The following TNFAIP8L2 variants were observed in gnomAD, a reference collection of about 807,000 sequenced individuals.
The protein encoded by TNFAIP8L2 is tumor necrosis factor alpha-induced protein 8-like protein 2.
Under a neutral mutation model 5.6 loss-of-function variants are expected in TNFAIP8L2, and 2 were observed. That is an observed-to-expected ratio of 0.36 (90% CI 0.15 to 1.13). TNFAIP8L2 has a LOEUF of 1.13. TNFAIP8L2 is among the 50% of genes most tolerant of loss of function. The pLI, the probability that TNFAIP8L2 is intolerant of heterozygous loss-of-function variation, is 0.40. For missense variants in TNFAIP8L2, 216 were observed against 241.8 expected, an observed-to-expected ratio of 0.89 and a Z score of 0.71; for synonymous variants, 91 against 101.1, an observed-to-expected ratio of 0.90 and a Z score of 0.60.
At position 151,158,745 on chromosome 1, in the gene TNFAIP8L2, G is replaced by C; in HGVS notation, c.48G>C (p.Lys16Asn). The change falls in exon 2 of 2, where the codon AAG becomes AAC. Residue 16 changes from lysine (K) to asparagine (N), a missense_variant. By Grantham distance (94) the Lys-to-Asn change is moderately conservative. Coordinates refer to ENST00000368910, the MANE Select transcript of TNFAIP8L2 (RefSeq NM_024575.5). ...GCCTGGCACTGCAAGCAGAGAAGAA[G>C]CTACTGAGTAAGATGGCGGGTCGCT... The part of the protein sequence containing the change: ...SKSLALQAEK[K>N]LLSKMAGRSV... 1 of 1,613,236 alleles carries C rather than the reference G, an allele frequency of 6.2e-7. No individual in the cohort carries two copies. The highest frequency in any genetic ancestry group is 8.5e-7 in the Non-Finnish European group (1 of 1,179,474).
Position 151,159,399 on chromosome 1 carries a change from C to T in TNFAIP8L2, c.*147C>T. ...CCCAAGAGTGCTTTTGACTCTGAGA[C>T]CAGCCCACCCCCAAACAGCTAGTGG... On this transcript the variant is annotated 3_prime_UTR_variant, in exon 2 of 2. Transcript: ENST00000368910. 1.2e-6 allele frequency: 1 copy of T among 815,184 alleles called. No homozygotes were observed. The highest frequency in any genetic ancestry group is 1.9e-6 in the Non-Finnish European group (1 of 520,860). 50.5% of individuals were successfully genotyped at this position (815,184 alleles called of 1,614,324 possible).
At position 151,158,827 on chromosome 1, in the gene TNFAIP8L2, CGT is replaced by C. The variant is rs763825844; in HGVS notation, c.135_136del (p.Ser46GlnfsTer37). ...TSSEVLDELY[R>X]VSKEYTHSRP... ...CAGTGAGGTGCTAGATGAGCTCTACCGTGTGTCCAAGGAGTACACGCACAGCC... is the reference window on the plus strand; with the variant it reads ...CAGTGAGGTGCTAGATGAGCTCTACCGTGTCCAAGGAGTACACGCACAGCC... On this transcript the variant is annotated frameshift_variant, in exon 2 of 2. Coordinates refer to ENST00000368910, the MANE Select transcript of TNFAIP8L2 (RefSeq NM_024575.5). LOFTEE classifies it high-confidence loss of function. The C allele has an allele frequency of 1.2e-5, 20 of 1,614,106 alleles. No homozygotes were observed. In the South Asian group the frequency reaches 2.1e-4, roughly 17 times the overall value.
rs1683340013 is a variant in TNFAIP8L2 at position 151,159,080 on chromosome 1, T to C, written c.383T>C (p.Leu128Pro). ...CTGACCGAGTGCCGGGATGTGCTGC[T>C]AGAGTTGGTGGAACACCACCTCACG... ...GLLTECRDVL[L>P]ELVEHHLTPK... Residue 128 changes from leucine to proline, a missense_variant, in exon 2 of 2, where the codon CTA (leucine) becomes CCA (proline). By Grantham distance (98) the Leu-to-Pro change is moderately conservative. Coordinates refer to ENST00000368910, the MANE Select transcript of TNFAIP8L2 (RefSeq NM_024575.5). 1.9e-6 allele frequency: 3 copies of C among 1,614,074 alleles called. No homozygotes were observed. The highest frequency in any genetic ancestry group is 2.5e-6 in the Non-Finnish European group (3 of 1,180,060).
chr1:151,159,742 A>T lies in TNFAIP8L2; in HGVS notation c.*490A>T. The T allele has an allele frequency of 3.4e-5, 6 of 179,000 alleles. No individual in the cohort carries two copies. The highest frequency in any genetic ancestry group is 1.7e-4 in the East Asian group (1 of 5,900). 11.1% of individuals were successfully genotyped at this position (179,000 alleles called of 1,614,324 possible). A position where few individuals can be genotyped will look rare whatever the true frequency, so the allele number is the denominator to read the frequency against. On this transcript the variant is annotated 3_prime_UTR_variant, in exon 2 of 2. Coordinates refer to ENST00000368910, the MANE Select transcript of TNFAIP8L2 (RefSeq NM_024575.5). ...TTCTCATAGGGGAAATAAAACTACT[A>T]AAATATGCACAGGGCTCAATGTTTA...
Position 151,158,969 on chromosome 1 carries a change from G to A in TNFAIP8L2, c.272G>A (p.Arg91His), listed in dbSNP as rs375508501. The change falls in exon 2 of 2, where the codon CGC (arginine) becomes CAC (histidine). Residue 91 changes from arginine (R) to histidine (H), a missense_variant. By Grantham distance (29) the Arg-to-His change is conservative. Coordinates refer to ENST00000368910, the MANE Select transcript of TNFAIP8L2 (RefSeq NM_024575.5). Reference protein sequence around the residue: ...PSELALATRFRQKLRQGAMTA... With the variant: ...PSELALATRFHQKLRQGAMTA... ...GAGCTGGCCCTGGCTACCCGCTTTC[G>A]CCAGAAGCTGCGGCAGGGTGCCATG... 7.2e-5 allele frequency: 117 copies of A among 1,614,258 alleles called. 1 individual carries two copies. The Middle Eastern group carries it at 5.1e-3, about 71-fold the overall frequency.
rs587595300 is a variant in TNFAIP8L2 at position 151,159,155 on chromosome 1, C to G, written c.458C>G (p.Pro153Arg). The change falls in exon 2 of 2, where the codon CCA (proline) becomes CGA (arginine). Residue 153 changes from proline (P) to arginine (R), a missense_variant. Pro to Arg is a moderately radical substitution (Grantham distance 103, BLOSUM62 -2). Coordinates refer to ENST00000368910, the MANE Select transcript of TNFAIP8L2 (RefSeq NM_024575.5). ...CACGTGTTTGATCACTTCTCTGACC[C>G]AGGTCTGCTCACGGCCCTCTATGGG... Reference protein sequence around the residue: ...IRHVFDHFSDPGLLTALYGPD... With the variant: ...IRHVFDHFSDRGLLTALYGPD... 4.4e-5 allele frequency: 71 copies of G among 1,614,210 alleles called. No individual in the cohort carries two copies. The East Asian group carries it at 1.5e-3, about 33-fold the overall frequency.
At chr1:151,158,120 C>T (rs1018044692) in intron 1 of TNFAIP8L2, among the ~76,000 whole-genome samples, 10 of 151,780 alleles carry the variant, frequency 6.6e-5, no homozygotes, top group African/African-American at 2.2e-4. Flanking sequence ...GTCAGGAGTT[C>T]GAGACCAGTC....
Position 151,159,043 on chromosome 1 carries a change from C to T in TNFAIP8L2, c.346C>T (p.Leu116=). The T allele has an allele frequency of 6.2e-7, 1 of 1,614,210 alleles. No homozygotes were observed. Among genetic ancestry groups the T allele is most frequent in the Non-Finnish European group, 8.5e-7 (1 of 1,180,052 alleles). The change falls in exon 2 of 2, where the codon CTG becomes TTG. Residue 116 remains leucine (L), a synonymous_variant. Coordinates refer to ENST00000368910, the MANE Select transcript of TNFAIP8L2 (RefSeq NM_024575.5). ...AGACTTCACCTTCGAGGCTGCTGTT[C>T]TGGCTGGCCTGCTGACCGAGTGCCG... ...EVDFTFEAAV[L]AGLLTECRDV...
In TNFAIP8L2 at chr1:151,159,194, A is replaced by G; in HGVS notation, c.497A>G (p.Gln166Arg). 6.2e-7 allele frequency: 1 copy of G among 1,614,206 alleles called. No individual in the cohort carries two copies. Among genetic ancestry groups the G allele is most frequent in the Non-Finnish European group, 8.5e-7 (1 of 1,180,028 alleles). Reference sequence around the variant, plus strand: ...GCCCTCTATGGGCCTGACTTCACTCAGCACCTTGGCAAGATCTGTGACGGA... The same window carrying G: ...GCCCTCTATGGGCCTGACTTCACTCGGCACCTTGGCAAGATCTGTGACGGA... ...LTALYGPDFT[Q>R]HLGKICDGLR... The change falls in exon 2 of 2, where the codon CAG becomes CGG. Residue 166 changes from glutamine to arginine, a missense_variant. Physicochemically the swap from Gln to Arg is conservative, Grantham distance 43. Transcript: ENST00000368910.
chr1:151,158,813 T>C lies in TNFAIP8L2; in HGVS notation c.116T>C (p.Leu39Pro). The C allele has an allele frequency of 6.2e-7, 1 of 1,614,102 alleles. No homozygotes were observed. The highest frequency in any genetic ancestry group is 8.5e-7 in the Non-Finnish European group (1 of 1,180,016). The part of the protein sequence containing the change: ...LFIDETSSEV[L>P]DELYRVSKEY... ...ATAGATGAGACAAGCAGTGAGGTGCTAGATGAGCTCTACCGTGTGTCCAAG... is the reference window on the plus strand; with the variant it reads ...ATAGATGAGACAAGCAGTGAGGTGCCAGATGAGCTCTACCGTGTGTCCAAG... Residue 39 changes from leucine to proline, a missense_variant, in exon 2 of 2, where the codon CTA becomes CCA. Leu to Pro is a moderately conservative substitution (Grantham distance 98). Coordinates refer to ENST00000368910, the MANE Select transcript of TNFAIP8L2 (RefSeq NM_024575.5).
At position 151,159,420 on chromosome 1, in the gene TNFAIP8L2, A is replaced by G. The variant is rs913545312; in HGVS notation, c.*168A>G. The G allele has an allele frequency of 1.4e-5, 10 of 691,728 alleles. No individual in the cohort carries two copies. The African/African-American group carries it at 1.6e-4, about 11-fold the overall frequency. The allele number at this position is 691,728 out of a possible 1,614,324, so 42.8% of individuals were successfully genotyped here. A position where few individuals can be genotyped will look rare whatever the true frequency, so the allele number is the denominator to read the frequency against. On this transcript the variant is annotated 3_prime_UTR_variant, in exon 2 of 2. Coordinates refer to ENST00000368910, the MANE Select transcript of TNFAIP8L2 (RefSeq NM_024575.5). ...GAGACCAGCCCACCCCCAAACAGCTAGTGGAGAAGGAGCAATGCTGAGGGG... is the reference window on the plus strand; with the variant it reads ...GAGACCAGCCCACCCCCAAACAGCTGGTGGAGAAGGAGCAATGCTGAGGGG...
In TNFAIP8L2 at chr1:151,158,563, A is replaced by G. The variant is rs1683310408; in HGVS notation, c.-32-103A>G. 3.4e-6 allele frequency: 3 copies of G among 886,762 alleles called. No homozygotes were observed. In the Admixed American group the frequency reaches 8.7e-5, roughly 26 times the overall value. 54.9% of individuals were successfully genotyped at this position (886,762 alleles called of 1,614,324 possible). A position where few individuals can be genotyped will look rare whatever the true frequency, so the allele number is the denominator to read the frequency against. On this transcript the variant is annotated intron_variant, in intron 1 of 1. Transcript: ENST00000368910. ...GACTGAGGGGCCCCAGGGGGCGGAGAGGATGACAAACAAAGATGATGATGA... is the reference window on the plus strand; with the variant it reads ...GACTGAGGGGCCCCAGGGGGCGGAGGGGATGACAAACAAAGATGATGATGA...
intron 1 of TNFAIP8L2, among the ~76,000 whole-genome samples, chr1:151,157,222 C>T (rs927373215): frequency 6.6e-6 from 1 of 152,120 alleles, no homozygotes; most frequent in African/African-American, 2.4e-5. Context: ...GTCCAGAAAG[C>T]CCCAAGGCAA....
chr1:151,159,268 C>G lies in TNFAIP8L2; in HGVS notation c.*16C>G. 1 of 1,593,446 alleles carries G rather than the reference C, an allele frequency of 6.3e-7. No individual in the cohort carries two copies. Among genetic ancestry groups the G allele is most frequent in the Non-Finnish European group, 8.6e-7 (1 of 1,167,034 alleles). On this transcript the variant is annotated 3_prime_UTR_variant, in exon 2 of 2. Coordinates refer to ENST00000368910, the MANE Select transcript of TNFAIP8L2 (RefSeq NM_024575.5). ...GAAGCTCTGAGAGCCCTGAGCCTAG[C>G]ACATTCCACCTTGACAAAATGGTTG...
chr1:151,159,223 A>G lies in TNFAIP8L2; in HGVS notation c.526A>G (p.Arg176Gly), dbSNP rs753588342. Residue 176 changes from arginine to glycine, a missense_variant, in exon 2 of 2, where the codon AGG (arginine) becomes GGG (glycine). By Grantham distance (125) the Arg-to-Gly change is moderately radical. Coordinates refer to ENST00000368910, the MANE Select transcript of TNFAIP8L2 (RefSeq NM_024575.5). ...QHLGKICDGL[R>G]KLLDEGKL ...CCTTGGCAAGATCTGTGACGGACTC[A>G]GGAAGCTGCTAGACGAAGGGAAGCT... The G allele has an allele frequency of 4.3e-6, 7 of 1,613,452 alleles. No individual in the cohort carries two copies. Among genetic ancestry groups the G allele is most frequent in the Non-Finnish European group, 5.9e-6 (7 of 1,179,518 alleles).
At chr1:151,158,051 G>C (rs587669743) in intron 1 of TNFAIP8L2, among the ~76,000 whole-genome samples, 2 of 152,210 alleles carry the variant, frequency 1.3e-5, no homozygotes, top group Non-Finnish European at 2.9e-5. Context: ...CAGGCTGGGC[G>C]TGGTGGCTCA....
intron 1 of TNFAIP8L2, among the ~76,000 whole-genome samples, chr1:151,157,201 TG>T (rs1320011296): frequency 6.6e-6 from 1 of 152,116 alleles, no homozygotes; most frequent in Non-Finnish European, 1.5e-5. Context: ...CTCTTCCGGC[TG>T]GGGAGCATGG....
rs753176739 is a variant in TNFAIP8L2, at chr1:151,158,687, C to A, written c.-11C>A. 9.5e-6 allele frequency: 15 copies of A among 1,586,068 alleles called. No individual in the cohort carries two copies. The highest frequency in any genetic ancestry group is 1.3e-5 in the Non-Finnish European group (15 of 1,164,216). The stretch of plus-strand genomic sequence containing the variant: ...CTAGTGACTGACCACATACCCCACT[C>A]TCCAGGACCCATGGAGTCCTTCAGC... On this transcript the variant is annotated 5_prime_UTR_variant, in exon 2 of 2. Transcript: ENST00000368910.
chr1:151,158,003 G>C (rs1389400605), intron 1 of TNFAIP8L2, among the ~76,000 whole-genome samples: 1 of 152,180 alleles, frequency 6.6e-6, no homozygotes, highest in Non-Finnish European at 1.5e-5. Flanking sequence ...ATATGGCACA[G>C]AGTCAGTGTC....
Sources: gnomAD v4.1 joint callset for allele counts (sites outside exome capture counted in the v4.1 genomes callset) on GRCh38, gnomAD v4.1.1 for gene constraint, MANE v1.5 for transcripts, NCBI Gene and HGNC (gene_info 2026-07-23, HGNC 2026-07-21) for gene names.